NPAS3: variants seen among roughly 807,000 people sequenced by gnomAD.
NPAS3 encodes neuronal PAS domain protein 3.
A neutral mutation model predicts 73.1 loss-of-function variants in NPAS3; 14 were observed. The observed-to-expected ratio is 0.19, with a 90% CI of 0.13 to 0.30. NPAS3 has a LOEUF of 0.30. Ranked by LOEUF, NPAS3 falls within the 10% of genes least tolerant of loss-of-function variation. The pLI is 1.00. For synonymous variants in NPAS3, 620 were observed against 541.5 expected (o/e 1.14, Z -2.01); for missense variants, 1,096 against 1,250.0 (o/e 0.88, Z 1.86).
intron 5 of NPAS3, among the ~76,000 whole-genome samples, chr14:33,566,147 A>C (rs766255673): frequency 5.3e-5 from 8 of 152,144 alleles, no homozygotes; most frequent in Non-Finnish European, 1.2e-4. Context: ...ACAACATTTA[A>C]ATTGATAAAT....
At chr14:33,243,689 G>C (rs2048283903) in intron 3 of NPAS3, among the ~76,000 whole-genome samples, 1 of 151,596 alleles carries the variant, frequency 6.6e-6, no homozygotes, top group African/African-American at 2.4e-5. Context: ...CATTTAAGAA[G>C]AACAAAGATG....
At chr14:33,541,444 G>A (rs546489570) in intron 4 of NPAS3, among the ~76,000 whole-genome samples, 1 of 152,298 alleles carries the variant, frequency 6.6e-6, no homozygotes, top group East Asian at 1.9e-4. Context: ...GCAGTGACAG[G>A]CTGGGGTTGG....
intron 4 of NPAS3, among the ~76,000 whole-genome samples, chr14:33,546,953 C>G (rs946398084): frequency 6.6e-6 from 1 of 152,156 alleles, no homozygotes; most frequent in Non-Finnish European, 1.5e-5. Flanking sequence ...TTGGCTAACA[C>G]TTTCATGAAA....
chr14:33,676,336 C>G (rs141006794), exon 6 of NPAS3: 8 of 1,605,748 alleles, frequency 5.0e-6, no homozygotes, highest in Non-Finnish European at 3.4e-6. Context: ...CTGCTGAGGA[C>G]GGAGCCAGCT....
chr14:33,349,020 A>C (rs1001018307), intron 3 of NPAS3, among the ~76,000 whole-genome samples: 3 of 152,144 alleles, frequency 2.0e-5, no homozygotes, highest in Non-Finnish European at 2.9e-5. Flanking sequence ...GTGGGCATCC[A>C]TCAGAAACTG....
At chr14:33,219,728 GATTT>G (rs2047353145) in intron 3 of NPAS3, among the ~76,000 whole-genome samples, 1 of 152,136 alleles carries the variant, frequency 6.6e-6, no homozygotes, top group East Asian at 1.9e-4. Context: ...ATGTTTAATG[GATTT>G]ATTTTAAATC....
intron 9 of NPAS3, among the ~76,000 whole-genome samples, chr14:33,788,650 C>A (rs548591384): frequency 7.2e-5 from 11 of 152,068 alleles, no homozygotes; most frequent in African/African-American, 2.7e-4. Context: ...CTTTTTTTCT[C>A]CATATTTCTG....
Position 33,497,712 on chromosome 14 carries a change from G to A in NPAS3, c.469-62409G>A, listed in dbSNP as rs183028453. On this transcript the variant is annotated intron_variant, in intron 4 of 11. Coordinates refer to ENST00000356141, the Ensembl canonical transcript of NPAS3. Reference sequence around the variant, plus strand: ...AAAAATTAACTCAAGATGGTTTAAAGACTTAAATGTAAGACCTAAAATCAT... The same window carrying A: ...AAAAATTAACTCAAGATGGTTTAAAAACTTAAATGTAAGACCTAAAATCAT... Among the ~76,000 whole-genome samples, 10 of 152,212 alleles carry A rather than the reference G, an allele frequency of 6.6e-5. No homozygotes were observed. In the South Asian group the frequency reaches 2.1e-3, roughly 32 times the overall value.
At chr14:32,937,613 G>T (rs901850574), upstream of NPAS3, among the ~76,000 whole-genome samples, 1 of 152,144 alleles carries the variant, frequency 6.6e-6, no homozygotes, top group Non-Finnish European at 1.5e-5. Context: ...CCTCTACCAC[G>T]AAAAACATTT....
intron 2 of NPAS3, among the ~76,000 whole-genome samples, chr14:33,152,080 C>T (rs919805971): frequency 3.9e-5 from 6 of 151,936 alleles, no homozygotes; most frequent in Admixed American, 3.9e-4. Context: ...TTGTGGTTGT[C>T]AAAAGTGTGT....
chr14:32,978,332 A>G (rs943989413), intron 1 of NPAS3, among the ~76,000 whole-genome samples: 8 of 152,274 alleles, frequency 5.3e-5, no homozygotes, highest in East Asian at 1.9e-4. Context: ...CCCTACCCCA[A>G]AGGAGAAGCC....
intron 4 of NPAS3, among the ~76,000 whole-genome samples, chr14:33,478,697 A>G (rs756347174): frequency 1.6e-4 from 25 of 152,228 alleles, no homozygotes; most frequent in Non-Finnish European, 2.1e-4. Context: ...ACTATTAATG[A>G]TCTTGAATAG....
intron 2 of NPAS3, among the ~76,000 whole-genome samples, chr14:33,072,137 T>C (rs1029969178): frequency 6.6e-6 from 1 of 152,174 alleles, no homozygotes; most frequent in African/African-American, 2.4e-5. Flanking sequence ...GTGATCCGCC[T>C]GCCTCGGTCT....
At chr14:33,359,926 G>A (rs1307855187) in intron 3 of NPAS3, among the ~76,000 whole-genome samples, 2 of 152,182 alleles carry the variant, frequency 1.3e-5, no homozygotes, top group East Asian at 1.9e-4. Context: ...GAAAGAAGAA[G>A]AATTTAAACA....
intron 2 of NPAS3, among the ~76,000 whole-genome samples, chr14:33,095,657 C>CTTTTTTTTTTTTTTTTTTT (rs201283993): frequency 5.1e-5 from 5 of 97,656 alleles, no homozygotes; most frequent in African/African-American, 4.5e-5. Flanking sequence ...GCATTCTCTG[C>CTTTTTTTTTTTTTTTTTTT]TTTTATTTTT....
intron 4 of NPAS3, among the ~76,000 whole-genome samples, chr14:33,411,138 A>G (rs918528095): frequency 4.6e-5 from 7 of 152,092 alleles, no homozygotes; most frequent in Non-Finnish European, 7.4e-5. Context: ...TCAAACAGGG[A>G]CTGTGACCTC....
chr14:33,005,828 C>T (rs2038982496), intron 1 of NPAS3, among the ~76,000 whole-genome samples: 1 of 152,124 alleles, frequency 6.6e-6, no homozygotes, highest in African/African-American at 2.4e-5. Flanking sequence ...CACTTTAGAC[C>T]TTTGAACAAG....
At chr14:33,560,173 T>C (rs2055572716) in exon 5 of NPAS3, 1 of 871,006 alleles carries the variant, frequency 1.1e-6, no homozygotes, top group African/African-American at 1.6e-5. Context: ...TTTTTGTACA[T>C]TTCCGAAACA....
chr14:33,623,190 T>C (rs1469771727), intron 5 of NPAS3, among the ~76,000 whole-genome samples: 1 of 152,136 alleles, frequency 6.6e-6, no homozygotes, highest in Non-Finnish European at 1.5e-5. Flanking sequence ...AGTAAAAATA[T>C]TAAGCTCAAT....
Sources: gnomAD v4.1 joint callset for allele counts (sites outside exome capture counted in the v4.1 genomes callset) on GRCh38, gnomAD v4.1.1 for gene constraint, MANE v1.5 for transcripts, NCBI Gene and HGNC (gene_info 2026-07-23, HGNC 2026-07-21) for gene names.